RBM5: variants seen among roughly 807,000 people sequenced by gnomAD.
The protein encoded by RBM5 is RNA binding motif protein 5.
In RBM5, 15 loss-of-function variants were observed where a neutral mutation model predicts 124.6. The observed-to-expected ratio is 0.12, with a 90% CI of 0.08 to 0.19. The LOEUF is 0.19. RBM5 is among the 10% of genes least tolerant of loss of function. The pLI, the probability that RBM5 is intolerant of heterozygous loss-of-function variation, is 1.00. For missense variants in RBM5, 580 were observed against 1,026.5 expected (o/e 0.57, Z 5.94); for synonymous variants, 337 against 361.2 (o/e 0.93, Z 0.76).
At position 50,100,386 on chromosome 3, in the gene RBM5, G is replaced by C; in HGVS notation, c.410-146G>C. The C allele has an allele frequency of 1.5e-6, 1 of 681,732 alleles. No homozygotes were observed. The allele number at this position is 681,732 out of a possible 1,614,324, so 42.2% of individuals were successfully genotyped here. A position where few individuals can be genotyped will look rare whatever the true frequency, so the allele number is the denominator to read the frequency against. ...GTTCCTTGCCATGGCAAAGTATCAAGAAGATCCCCAAGTCAAGTCACATTT... is the reference window on the plus strand; with the variant it reads ...GTTCCTTGCCATGGCAAAGTATCAACAAGATCCCCAAGTCAAGTCACATTT... On this transcript the variant is annotated intron_variant, in intron 5 of 24. Transcript: ENST00000347869. This position sits in a 1 kb window ranked among gnomAD's most constrained non-coding sequence, Gnocchi z 5.1.
In RBM5 at chr3:50,107,491, C is replaced by T. The variant is rs138796501; in HGVS notation, c.963C>T (p.Val321=). 14 of 1,600,178 alleles carry T rather than the reference C, an allele frequency of 8.7e-6. No individual in the cohort carries two copies. The highest frequency in any genetic ancestry group is 1.7e-5 in the Admixed American group (1 of 59,968). Residue 321 remains valine (V), a synonymous_variant, in exon 12 of 25, where the codon GTC becomes GTT. Transcript: ENST00000347869. ...DFAKSARKDL[V]LSDGNRVSAF... Reference sequence around the variant, plus strand: ...ATCTTTGTGGTTTCAGAGACTTGGTCCTCTCAGATGGTAACCGCGTCAGCG... The same window carrying T: ...ATCTTTGTGGTTTCAGAGACTTGGTTCTCTCAGATGGTAACCGCGTCAGCG...
chr3:50,105,242 A>G, intron 9 of RBM5, 100 bp downstream of exon 9: 4 of 1,027,696 alleles, frequency 3.9e-6, no homozygotes, highest in Non-Finnish European at 5.8e-6. Context: ...CCCTGTCTCT[A>G]CTAAAAATAC....
rs1476460402 is a variant in RBM5 at position 50,092,173 on chromosome 3, A to G, written c.148A>G (p.Arg50Gly). ...ATCTAGTGATGATCGGAGGGGTGAT[A>G]GATATGATGACTACCGAGACTATGA... ...KRSSDDRRGDRYDDYRDYDSP... is the reference protein window; with the variant it reads ...KRSSDDRRGDGYDDYRDYDSP... Residue 50 changes from arginine to glycine, a missense_variant, in exon 3 of 25, where the codon AGA becomes GGA. Physicochemically the swap from Arg to Gly is moderately radical, Grantham distance 125. This residue lies in a region of RBM5 where 99 missense variants were observed against 121.1 expected (regional missense o/e 0.82). Transcript: ENST00000347869. 6.2e-7 allele frequency: 1 copy of G among 1,613,792 alleles called. No individual in the cohort carries two copies. Among genetic ancestry groups the G allele is most frequent in the East Asian group, 2.2e-5 (1 of 44,892 alleles).
Position 50,106,871 on chromosome 3 carries a change from G to A in RBM5, c.953+7G>A. 1.3e-6 allele frequency: 2 copies of A among 1,578,072 alleles called. No individual in the cohort carries two copies. Among genetic ancestry groups the A allele is most frequent in the African/African-American group, 1.3e-5 (1 of 74,220 alleles). On this transcript the variant is annotated splice_region_variant and intron_variant, in intron 11 of 24. Coordinates refer to ENST00000347869, the MANE Select transcript of RBM5 (RefSeq NM_005778.4). ...TTGCAAAAAGTGCCAGAAAGTGAGT[G>A]GCTTCATTGTCCTTATTTCAAACTA...
chr3:50,097,771 C>G (rs1041997717), intron 4 of RBM5, among the ~76,000 whole-genome samples: 6 of 152,036 alleles, frequency 3.9e-5, no homozygotes, highest in African/African-American at 1.5e-4. Context: ...AAATTTTTAC[C>G]AATAATTTAA....
At chr3:50,108,952 A>G (rs2091091209) in intron 14 of RBM5, among the ~76,000 whole-genome samples, 1 of 152,234 alleles carries the variant, frequency 6.6e-6, no homozygotes, top group South Asian at 2.1e-4. Flanking sequence ...GTGCTCAGAC[A>G]TCAATCAGAA....
chr3:50,092,583 G>T (rs1401450299), intron 3 of RBM5, among the ~76,000 whole-genome samples: 1 of 149,634 alleles, frequency 6.7e-6, no homozygotes. Flanking sequence ...AAAAAGAAAA[G>T]AAATAATGGC....
Position 50,114,225 on chromosome 3 carries a change from A to G in RBM5, c.1813A>G (p.Asn605Asp), listed in dbSNP as rs1446478775. ...GCAGCTCATCCCAGAATTGGTGCGA[A>G]ATGGAGATGAGGAGAATCCCCTCAA... is the stretch of plus-strand genomic sequence containing the variant. The part of the protein sequence containing the change: ...RQQLIPELVR[N>D]GDEENPLKRG... The change falls in exon 20 of 25, where the codon AAT becomes GAT. Residue 605 changes from asparagine to aspartate, a missense_variant. Transcript: ENST00000347869. 1 of 1,611,486 alleles carries G rather than the reference A, an allele frequency of 6.2e-7. No homozygotes were observed. The highest frequency in any genetic ancestry group is 1.7e-5 in the Admixed American group (1 of 59,050).
intron 22 of RBM5, chr3:50,116,277 G>A (rs2091251575): frequency 3.0e-6 from 1 of 338,460 alleles, no homozygotes; most frequent in Non-Finnish European, 5.5e-6. Flanking sequence ...GAGTGGTCTA[G>A]TTTGGCCTGG....
chr3:50,109,709 A>G (rs2091107547), intron 15 of RBM5, 21 bp downstream of exon 15: 1 of 1,597,540 alleles, frequency 6.3e-7, no homozygotes, highest in African/African-American at 1.3e-5. Context: ...TGTCCTATAT[A>G]CAAAACTCGT....
Position 50,103,244 on chromosome 3 carries a change from C to T in RBM5, c.567+78C>T, listed in dbSNP as rs925344915. 3.4e-6 allele frequency: 4 copies of T among 1,176,362 alleles called. No individual in the cohort carries two copies. In the Admixed American group the frequency reaches 7.5e-5, roughly 22 times the overall value. The allele number at this position is 1,176,362 out of a possible 1,614,324, so 72.9% of individuals were successfully genotyped here. The stretch of plus-strand genomic sequence containing the variant: ...TTTTTCTGTTTGTTTATTTGACTGT[C>T]CAAACAAGGAAATTGTTACTCAATC... On this transcript the variant is annotated intron_variant, in intron 7 of 24. Transcript: ENST00000347869.
chr3:50,110,726 T>C lies in RBM5; in HGVS notation c.1411T>C (p.Tyr471His). Reference sequence around the variant, plus strand: ...CCAGTATGATGAATCTTCAGGATATTACTATGATCCGACAACAGGGCTCTA... The same window carrying C: ...CCAGTATGATGAATCTTCAGGATATCACTATGATCCGACAACAGGGCTCTA... ...TYQYDESSGY[Y>H]YDPTTGLYYD... The change falls in exon 17 of 25, where the codon TAC becomes CAC. Residue 471 changes from tyrosine (Y) to histidine (H), a missense_variant. By Grantham distance (83) the Tyr-to-His change is moderately conservative (BLOSUM62 2). Transcript: ENST00000347869. 6.2e-7 allele frequency: 1 copy of C among 1,613,782 alleles called. No homozygotes were observed.
Position 50,106,670 on chromosome 3 carries a change from T to A in RBM5, c.856-97T>A, listed in dbSNP as rs139771401. 2.5e-4 allele frequency: 215 copies of A among 872,770 alleles called. No individual in the cohort carries two copies. The African/African-American group carries it at 3.4e-3, about 14-fold the overall frequency. The allele number at this position is 872,770 out of a possible 1,614,324, so 54.1% of individuals were successfully genotyped here. ...ACACAATAAGGAATTAATTGCCTTT[T>A]ATTTTTTAATAGAAAACTACTTCTT... On this transcript the variant is annotated intron_variant, in intron 10 of 24. Coordinates refer to ENST00000347869, the MANE Select transcript of RBM5 (RefSeq NM_005778.4).
chr3:50,104,148 T>A, intron 7 of RBM5, 100 bp from the exon 8 acceptor site: 1 of 943,152 alleles, frequency 1.1e-6, no homozygotes, highest in Non-Finnish European at 1.7e-6. Flanking sequence ...TTTCTGCTTT[T>A]CTGTTAGTTA....
intron 7 of RBM5, among the ~76,000 whole-genome samples, chr3:50,103,940 T>TGATACAAGGA (rs2090987983): frequency 1.3e-5 from 2 of 152,190 alleles, no homozygotes; most frequent in Non-Finnish European, 2.9e-5. Context: ...ATGGGATGTA[T>TGATACAAGGA]AGTGCTCTGT....
At chr3:50,090,361 T>C in intron 1 of RBM5, 21 bp from the exon 2 acceptor site, 1 of 1,546,954 alleles carries the variant, frequency 6.5e-7, no homozygotes, top group Non-Finnish European at 8.9e-7. Flanking sequence ...TTTATAGCAA[T>C]TAATCTCTCT....
At chr3:50,093,355 C>T (rs1575935174) in intron 3 of RBM5, among the ~76,000 whole-genome samples, 1 of 151,520 alleles carries the variant, frequency 6.6e-6, no homozygotes, top group South Asian at 2.1e-4. Flanking sequence ...AGGAGAATTG[C>T]TTGAACCCAG....
chr3:50,117,184 C>T lies in RBM5; in HGVS notation c.2192+13C>T. On this transcript the variant is annotated intron_variant, in intron 23 of 24. Coordinates refer to ENST00000347869, the MANE Select transcript of RBM5 (RefSeq NM_005778.4). The surrounding 1 kb of genome is among the most constrained non-coding windows in gnomAD (Gnocchi z 4.2). ...ATGCCGGCACTGTGTATGTGATGTG[C>T]ACATTTTCCAGTTCGTAAGCTGGGG... 1 of 1,614,176 alleles carries T rather than the reference C, an allele frequency of 6.2e-7. No individual in the cohort carries two copies. Among genetic ancestry groups the T allele is most frequent in the Admixed American group, 1.7e-5 (1 of 60,022 alleles).
intron 8 of RBM5, 169 bp from the exon 9 acceptor site, chr3:50,104,908 C>T (rs981930391): frequency 3.3e-5 from 18 of 551,676 alleles, no homozygotes; most frequent in African/African-American, 1.9e-4. Flanking sequence ...TTGCATTCTG[C>T]GTTAACCAAG....
Sources: allele counts gnomAD v4.1 joint callset (sites outside exome capture counted in the v4.1 genomes callset), GRCh38; gene constraint gnomAD v4.1.1; regional missense constraint gnomAD v4.1.1; non-coding constraint Gnocchi (gnomAD v3.1); transcripts MANE v1.5; gene names NCBI Gene and HGNC (gene_info 2026-07-23, HGNC 2026-07-21).